Variants in MYO5B observed in about 807,000 individuals in gnomAD.
MYO5B encodes unconventional myosin-Vb.
MYO5B carries 143 observed loss-of-function variants against 229.3 expected under a neutral mutation model. The observed-to-expected ratio is 0.62, with a 90% confidence interval of 0.54 to 0.72. The LOEUF is 0.72. Ranked by LOEUF, MYO5B falls within the 30% of genes least tolerant of loss-of-function variation. The pLI is 0.00. For synonymous variants in MYO5B, 918 were observed against 885.2 expected (o/e 1.04, Z -0.66); for missense variants, 2,321 against 2,331.0 (o/e 1.00, Z 0.09).
At chr18:49,925,407 T>A (rs1177842993) in intron 17 of MYO5B, among the ~76,000 whole-genome samples, 1 of 152,246 alleles carries the variant, frequency 6.6e-6, no homozygotes, top group East Asian at 1.9e-4. Flanking sequence ...CTAAAATGTA[T>A]CAAACCAAGT....
intron 21 of MYO5B, among the ~76,000 whole-genome samples, chr18:49,896,405 C>T (rs1458655903): frequency 6.6e-6 from 1 of 152,306 alleles, no homozygotes; most frequent in Non-Finnish European, 1.5e-5. Flanking sequence ...ATTTGAACAC[C>T]GAATGCACGT....
At chr18:49,830,829 CAAAAAAAAAAA>C (rs59785909) in intron 39 of MYO5B, among the ~76,000 whole-genome samples, 2 of 72,948 alleles carry the variant, frequency 2.7e-5, no homozygotes, top group African/African-American at 5.7e-5. Flanking sequence ...GACTCTGTCT[CAAAAAAAAAAA>C]AAAAAAAAAA....
chr18:49,903,752 A>G (rs1347259260), intron 20 of MYO5B, among the ~76,000 whole-genome samples: 2 of 152,264 alleles, frequency 1.3e-5, no homozygotes, highest in Non-Finnish European at 2.9e-5. Flanking sequence ...TCGTGTTTCA[A>G]GTCAGCTCTG....
chr18:49,854,143 G>T (rs899075364), intron 30 of MYO5B, among the ~76,000 whole-genome samples: 1 of 152,166 alleles, frequency 6.6e-6, no homozygotes, highest in Non-Finnish European at 1.5e-5. Context: ...CAAAATATTA[G>T]CCCCTTTTTT....
At chr18:50,057,895 C>A (rs1237825850) in intron 1 of MYO5B, among the ~76,000 whole-genome samples, 1 of 152,176 alleles carries the variant, frequency 6.6e-6, no homozygotes, top group Non-Finnish European at 1.5e-5. Flanking sequence ...ACTTACTCTT[C>A]CATTCCTGCA....
chr18:49,929,626 A>T (rs199790139), intron 16 of MYO5B, 28 bp from the exon 17 acceptor site: 5 of 1,210,430 alleles, frequency 4.1e-6, no homozygotes, highest in South Asian at 3.9e-5. Context: ...AAAAAAAAAA[A>T]GCAAGACAAG....
chr18:49,848,495 A>C (rs989804207), intron 32 of MYO5B, among the ~76,000 whole-genome samples: 1 of 152,126 alleles, frequency 6.6e-6, no homozygotes. Context: ...GGAGGCTCTG[A>C]GTGGAGGTGG....
chr18:50,040,288 T>C lies in MYO5B; in HGVS notation c.165A>G (p.Gln55=), dbSNP rs1258643561. Residue 55 remains glutamine (Q), a synonymous_variant, in exon 3 of 40, where the codon CAA becomes CAG. Coordinates refer to ENST00000285039, the MANE Select transcript of MYO5B (RefSeq NM_001080467.3). ...TCCGTAAGAAGGGCAGCTGGTTGCG[T>C]TGTACATCAATTGGGTATTCCAGAA... ...ETILEYPIDV[Q]RNQLPFLRNP... is the part of the protein sequence containing the mutation. The C allele has an allele frequency of 6.2e-7, 1 of 1,614,086 alleles. No individual in the cohort carries two copies. Among genetic ancestry groups the C allele is most frequent in the Non-Finnish European group, 8.5e-7 (1 of 1,180,006 alleles).
chr18:50,155,092 G>A (rs2032658996), intron 1 of MYO5B, among the ~76,000 whole-genome samples: 1 of 152,252 alleles, frequency 6.6e-6, no homozygotes, highest in African/African-American at 2.4e-5. Context: ...ACAACAACTT[G>A]TTTTTCAAAT....
chr18:49,986,255 C>CTCCT (rs752652863), intron 7 of MYO5B, among the ~76,000 whole-genome samples: 3 of 152,168 alleles, frequency 2.0e-5, no homozygotes, highest in African/African-American at 4.8e-5. Context: ...CTGCCTACCT[C>CTCCT]TCCTTCCTCA....
intron 22 of MYO5B, among the ~76,000 whole-genome samples, chr18:49,881,506 T>C (rs1345126191): frequency 2.6e-5 from 4 of 152,120 alleles, no homozygotes; most frequent in Non-Finnish European, 5.9e-5. Flanking sequence ...GGAGTAAGAA[T>C]TAAAAGTGTG....
At chr18:49,836,445 G>T (rs1195867298) in intron 38 of MYO5B, among the ~76,000 whole-genome samples, 1 of 152,160 alleles carries the variant, frequency 6.6e-6, no homozygotes. Context: ...TTAACGTTTT[G>T]TGAGTTTGCT....
intron 10 of MYO5B, among the ~76,000 whole-genome samples, chr18:49,964,947 G>C (rs766803357): frequency 6.6e-6 from 1 of 152,312 alleles, no homozygotes; most frequent in African/African-American, 2.4e-5. Flanking sequence ...TACGCCAAGG[G>C]GTCTGGAATT....
At chr18:49,937,135 T>C (rs2025259377) in intron 15 of MYO5B, 110 bp downstream of exon 15, 5 of 1,331,676 alleles carry the variant, frequency 3.8e-6, no homozygotes, top group Non-Finnish European at 4.3e-6. Flanking sequence ...AGGCTACTGA[T>C]GTCAAGGCTG....
At chr18:50,001,157 G>T in intron 5 of MYO5B, 98 bp downstream of exon 5, 1 of 1,457,180 alleles carries the variant, frequency 6.9e-7, no homozygotes, top group Non-Finnish European at 9.6e-7. Context: ...CTCTCAGGGA[G>T]AGGCGTGAAG....
At chr18:50,009,841 AAGG>A (rs1174639739) in intron 4 of MYO5B, among the ~76,000 whole-genome samples, 2 of 152,196 alleles carry the variant, frequency 1.3e-5, no homozygotes, top group Admixed American at 1.3e-4. Flanking sequence ...TGAAAGTGGG[AAGG>A]AGATGTGTCT....
intron 12 of MYO5B, among the ~76,000 whole-genome samples, chr18:49,956,343 CAGAG>C (rs1268265585): frequency 6.6e-6 from 1 of 152,166 alleles, no homozygotes; most frequent in Non-Finnish European, 1.5e-5. Context: ...GAAATGGAGA[CAGAG>C]AGGTTAAGTA....
intron 9 of MYO5B, among the ~76,000 whole-genome samples, chr18:49,977,870 C>T (rs1008436257): frequency 6.6e-6 from 1 of 152,232 alleles, no homozygotes; most frequent in African/African-American, 2.4e-5. Flanking sequence ...GATCTTCACT[C>T]CAGCCCTGAG....
chr18:50,139,724 A>G (rs922107672), intron 1 of MYO5B, among the ~76,000 whole-genome samples: 3 of 152,116 alleles, frequency 2.0e-5, no homozygotes, highest in African/African-American at 7.2e-5. Flanking sequence ...CCTTCTATCC[A>G]CATGTCCCGA....
Sources: gnomAD v4.1 joint callset for allele counts (sites outside exome capture counted in the v4.1 genomes callset) on GRCh38, gnomAD v4.1.1 for gene constraint, MANE v1.5 for transcripts, NCBI Gene and HGNC (gene_info 2026-07-23, HGNC 2026-07-21) for gene names.